LURAP1L: variants seen among roughly 807,000 people sequenced by gnomAD.
LURAP1L encodes the protein leucine rich adaptor protein 1-like.
A neutral mutation model predicts 13.8 loss-of-function variants in LURAP1L; 12 were observed. The observed-to-expected ratio is 0.87, with a 90% CI of 0.56 to 1.41. The LOEUF (loss-of-function observed/expected upper bound fraction) is 1.41. LURAP1L is among the 40% of genes most tolerant of loss of function. The pLI is 0.00. For missense variants in LURAP1L, 375 were observed against 292.9 expected (o/e 1.28, Z -2.04); for synonymous variants, 139 against 119.2 (o/e 1.17, Z -1.08).
Position 12,821,600 on chromosome 9 carries a change from G to A in LURAP1L, c.527G>A (p.Gly176Asp). 1 of 1,614,182 alleles carries A rather than the reference G, an allele frequency of 6.2e-7. No homozygotes were observed. The highest frequency in any genetic ancestry group is 8.5e-7 in the Non-Finnish European group (1 of 1,180,040). Residue 176 changes from glycine (G) to aspartate (D), a missense_variant, in exon 2 of 2, where the codon GGC (glycine) becomes GAC (aspartate). Gly to Asp is a moderately conservative substitution (Grantham distance 94, BLOSUM62 -1). Transcript: ENST00000319264. ...SLHDGSDGLD[G>D]ISVGSYLDTL... ...CACGATGGCAGTGATGGGCTGGATGGCATTTCCGTGGGAAGTTATCTGGAC... is the reference window on the plus strand; with the variant it reads ...CACGATGGCAGTGATGGGCTGGATGACATTTCCGTGGGAAGTTATCTGGAC...
chr9:12,776,479 G>A (rs1027112178), intron 1 of LURAP1L, among the ~76,000 whole-genome samples: 1 of 152,006 alleles, frequency 6.6e-6, no homozygotes, highest in Non-Finnish European at 1.5e-5. Context: ...CCGGGAGGTG[G>A]CGTGGCAGGG....
chr9:12,793,853 T>C (rs1225485116), intron 1 of LURAP1L, among the ~76,000 whole-genome samples: 1 of 152,082 alleles, frequency 6.6e-6, no homozygotes, highest in African/African-American at 2.4e-5. Flanking sequence ...AACATTTTGA[T>C]TTAATTAATA....
chr9:12,820,658 G>C (rs574734891), intron 1 of LURAP1L, among the ~76,000 whole-genome samples: 1 of 152,000 alleles, frequency 6.6e-6, no homozygotes, highest in Non-Finnish European at 1.5e-5. Flanking sequence ...TGTACACTTC[G>C]TCTCATAAAT....
chr9:12,784,150 T>A (rs1819315955), intron 1 of LURAP1L, among the ~76,000 whole-genome samples: 1 of 152,216 alleles, frequency 6.6e-6, no homozygotes. Flanking sequence ...TTGAGTTATC[T>A]GTCTGAGAGG....
At chr9:12,819,889 G>A (rs553787762) in intron 1 of LURAP1L, among the ~76,000 whole-genome samples, 1 of 152,204 alleles carries the variant, frequency 6.6e-6, no homozygotes, top group South Asian at 2.1e-4. Flanking sequence ...AGGAGGCGGA[G>A]GTTGCAGTGA....
intron 1 of LURAP1L, among the ~76,000 whole-genome samples, chr9:12,789,496 C>A (rs964562834): frequency 6.6e-6 from 1 of 152,062 alleles, no homozygotes; most frequent in African/African-American, 2.4e-5. Context: ...ATTGAGCGCC[C>A]CTACACAGAT....
chr9:12,786,540 TATATGAC>T (rs1393986311), intron 1 of LURAP1L, among the ~76,000 whole-genome samples: 10 of 38,694 alleles, frequency 2.6e-4, no homozygotes, highest in African/African-American at 1.2e-3. Context: ...AACATGTATA[TATATGAC>T]ATATATATAT....
chr9:12,814,028 C>G (rs560370311), intron 1 of LURAP1L, among the ~76,000 whole-genome samples: 1 of 152,250 alleles, frequency 6.6e-6, no homozygotes, highest in Admixed American at 6.5e-5. Context: ...TATTATCTGT[C>G]AAGTGTGTGT....
At chr9:12,817,284 C>G in intron 1 of LURAP1L, among the ~76,000 whole-genome samples, 1 of 152,034 alleles carries the variant, frequency 6.6e-6, no homozygotes, top group East Asian at 1.9e-4. Flanking sequence ...ACAGACAATC[C>G]AATCTGAAGC....
chr9:12,791,882 T>C (rs530271393), intron 1 of LURAP1L, among the ~76,000 whole-genome samples: 23 of 152,278 alleles, frequency 1.5e-4, no homozygotes, highest in African/African-American at 4.8e-4. Flanking sequence ...AATGCCACAA[T>C]TAATGACTTA....
chr9:12,789,658 A>C (rs1449924323), intron 1 of LURAP1L, among the ~76,000 whole-genome samples: 1 of 152,180 alleles, frequency 6.6e-6, no homozygotes, highest in African/African-American at 2.4e-5. Flanking sequence ...TATCATAGGA[A>C]GGCAAGGGAG....
intron 1 of LURAP1L, among the ~76,000 whole-genome samples, chr9:12,808,641 C>G (rs979078538): frequency 6.6e-6 from 1 of 151,906 alleles, no homozygotes; most frequent in Non-Finnish European, 1.5e-5. Context: ...GTTCTTTTTC[C>G]TCTAGCTTTT....
At position 12,781,766 on chromosome 9, in the gene LURAP1L, A is replaced by C. The variant is rs77822737; in HGVS notation, c.312+5739A>C. ...TATATTGATTTCCTTTCTCCTGAGT[A>C]TATACCTAGTAGTGGGATTGCTGGA... On this transcript the variant is annotated intron_variant, in intron 1 of 1. Coordinates refer to ENST00000319264, the MANE Select transcript of LURAP1L (RefSeq NM_203403.2). 4.4e-3 allele frequency among the ~76,000 whole-genome samples: 663 copies of C among 152,300 alleles called. 1 individual carries two copies. Among genetic ancestry groups the C allele is most frequent in the African/African-American group, 0.015 (606 of 41,542 alleles).
intron 1 of LURAP1L, among the ~76,000 whole-genome samples, chr9:12,790,060 A>C (rs1203890034): frequency 6.6e-6 from 1 of 152,220 alleles, no homozygotes; most frequent in South Asian, 2.1e-4. Context: ...CTTATGGTAA[A>C]GTAAATTTTA....
rs145221924 is a variant in LURAP1L, at chr9:12,806,255, G to A, written c.313-15131G>A. Among the ~76,000 whole-genome samples, 1,198 of 152,298 alleles carry A rather than the reference G, an allele frequency of 7.9e-3. 16 individuals carry two copies. The highest frequency in any genetic ancestry group is 0.027 in the African/African-American group (1,137 of 41,566). ...TACAGCTGGTTCAAGAGAACTAGAT[G>A]AGTAGGCTGTGTAGGTTGTATAGGT... On this transcript the variant is annotated intron_variant, in intron 1 of 1. Transcript: ENST00000319264.
intron 1 of LURAP1L, among the ~76,000 whole-genome samples, chr9:12,803,056 T>C (rs995421636): frequency 2.6e-5 from 4 of 152,214 alleles, no homozygotes; most frequent in African/African-American, 9.6e-5. Flanking sequence ...GTACCTGTTC[T>C]TCCTCTCTCA....
chr9:12,822,627 C>T lies in LURAP1L; in HGVS notation c.*867C>T, dbSNP rs1226528940. Among the ~76,000 whole-genome samples, 1 of 152,030 alleles carries T rather than the reference C, an allele frequency of 6.6e-6. No homozygotes were observed. The highest frequency in any genetic ancestry group is 1.5e-5 in the Non-Finnish European group (1 of 68,004). On this transcript the variant is annotated 3_prime_UTR_variant, in exon 2 of 2. Transcript: ENST00000319264. Reference sequence around the variant, plus strand: ...TGGATAGAAAGACAGATAAATATCCCGATAGCCTACTATCAGCATCCTACT... The same window carrying T: ...TGGATAGAAAGACAGATAAATATCCTGATAGCCTACTATCAGCATCCTACT...
At position 12,821,809 on chromosome 9, in the gene LURAP1L, T is replaced by A; in HGVS notation, c.*49T>A. ...GTGTGCAATGAACTTGTATTTATCCTTCTTCTCCGCTGCTATATTTTTGGT... is the reference window on the plus strand; with the variant it reads ...GTGTGCAATGAACTTGTATTTATCCATCTTCTCCGCTGCTATATTTTTGGT... On this transcript the variant is annotated 3_prime_UTR_variant, in exon 2 of 2. Transcript: ENST00000319264. The A allele has an allele frequency of 6.5e-7, 1 of 1,548,992 alleles. No homozygotes were observed. The highest frequency in any genetic ancestry group is 1.2e-5 in the South Asian group (1 of 82,712).
intron 1 of LURAP1L, among the ~76,000 whole-genome samples, chr9:12,806,962 G>T (rs1402261785): frequency 7.7e-6 from 1 of 130,286 alleles, no homozygotes; most frequent in African/African-American, 2.9e-5. Context: ...TTTTAAAAAT[G>T]AGTCTAAACC....
Sources: gnomAD v4.1 joint callset for allele counts (sites outside exome capture counted in the v4.1 genomes callset) on GRCh38, gnomAD v4.1.1 for gene constraint, MANE v1.5 for transcripts, NCBI Gene and HGNC (gene_info 2026-07-23, HGNC 2026-07-21) for gene names.